HYOU1: variants seen among roughly 807,000 people sequenced by gnomAD.
HYOU1 encodes hypoxia up-regulated protein 1.
Under a neutral mutation model 120.5 loss-of-function variants are expected in HYOU1, and 40 were observed. The ratio of observed to expected loss-of-function variants is 0.33; its 90% CI spans 0.26 to 0.43. The LOEUF is 0.43. Among genes scored for constraint, HYOU1 ranks in the 20% least tolerant of loss-of-function variants. The pLI, the probability that HYOU1 is intolerant of heterozygous loss-of-function variation, is 1.00. For missense variants in HYOU1, 1,085 were observed against 1,278.3 expected (o/e 0.85, Z 2.31); for synonymous variants, 501 against 479.4 (o/e 1.05, Z -0.59).
rs138488971 is a variant in HYOU1, at chr11:119,049,110, A to C, written c.1900T>G (p.Ser634Ala). The C allele has an allele frequency of 6.2e-7, 1 of 1,613,752 alleles. No homozygotes were observed. The highest frequency in any genetic ancestry group is 1.7e-5 in the Admixed American group (1 of 59,970). ...EEAEAPVEDG[S>A]QPPPPEPKGD... ...TTAGGTTCAGGGGGTGGGGGCTGAG[A>C]GCCATCCTCCACTGGGGCCTCAGCT... The change falls in exon 17 of 26, where the codon TCT becomes GCT. Residue 634 changes from serine (S) to alanine (A), a missense_variant. Physicochemically the swap from Ser to Ala is moderately conservative, Grantham distance 99 (BLOSUM62 1). Coordinates refer to ENST00000617285, the MANE Select transcript of HYOU1 (RefSeq NM_006389.5).
intron 8 of HYOU1, 188 bp from the exon 9 acceptor site, chr11:119,053,017 C>T: frequency 1.8e-6 from 1 of 564,766 alleles, no homozygotes; most frequent in South Asian, 2.4e-5. Context: ...CTCGCAGTGA[C>T]CCTTCTTCCA....
In HYOU1 at chr11:119,049,030, C is replaced by T. The variant is rs2133569135; in HGVS notation, c.1980G>A (p.Lys660=). The change falls in exon 17 of 26, where the codon AAG becomes AAA. Residue 660 remains lysine, a synonymous_variant. Transcript: ENST00000617285. The stretch of plus-strand genomic sequence containing the variant: ...TGCCACAGCTCACCTGGGCCTCAGA[C>T]TTGTCCCCATTTTCTTTTTCTGTGG... ...EKATEKENGD[K]SEAQKPSEKA... is the part of the protein sequence containing the mutation. 1.9e-6 allele frequency: 3 copies of T among 1,614,076 alleles called. No homozygotes were observed. The highest frequency in any genetic ancestry group is 1.7e-5 in the Admixed American group (1 of 60,008).
chr11:119,055,687 C>T lies in HYOU1; in HGVS notation c.185+63G>A. On this transcript the variant is annotated intron_variant, in intron 3 of 25. Coordinates refer to ENST00000617285, the MANE Select transcript of HYOU1 (RefSeq NM_006389.5). The surrounding 1 kb of genome is among the most constrained non-coding windows in gnomAD (Gnocchi z 4.0). ...AGTCTGCTGTGGGCACTATGACTAACACATTCACACTTGGAGCCCAGACTC... is the reference window on the plus strand; with the variant it reads ...AGTCTGCTGTGGGCACTATGACTAATACATTCACACTTGGAGCCCAGACTC... 1.3e-6 allele frequency: 2 copies of T among 1,510,638 alleles called. No homozygotes were observed. Among genetic ancestry groups the T allele is most frequent in the Non-Finnish European group, 1.8e-6 (2 of 1,085,588 alleles). The allele number at this position is 1,510,638 out of a possible 1,614,324, so 93.6% of individuals were successfully genotyped here.
intron 6 of HYOU1, 142 bp downstream of exon 6, chr11:119,054,842 G>A (rs1004549643): frequency 9.6e-7 from 1 of 1,042,246 alleles, no homozygotes; most frequent in Non-Finnish European, 1.4e-6. Context: ...TAGATAGCAG[G>A]TGCACCCCTC....
At chr11:119,047,675 C>G in intron 22 of HYOU1, 59 bp downstream of exon 22, 1 of 1,406,498 alleles carries the variant, frequency 7.1e-7, no homozygotes, top group Non-Finnish European at 1.0e-6. Flanking sequence ...CTCTCCACCT[C>G]TCCCACAGTA....
In HYOU1 at chr11:119,056,178, C is replaced by G. The variant is rs1468235859; in HGVS notation, c.-7-11G>C. On this transcript the variant is annotated splice_polypyrimidine_tract_variant and intron_variant, in intron 1 of 25. Transcript: ENST00000617285. The stretch of plus-strand genomic sequence containing the variant: ...TCTGCCATAGTGCCCCTGGGGGAGG[C>G]GAAGAAAGAAAACACTTAAAACTGG... 6.2e-7 allele frequency: 1 copy of G among 1,600,930 alleles called. No homozygotes were observed. Among genetic ancestry groups the G allele is most frequent in the African/African-American group, 1.3e-5 (1 of 74,794 alleles).
intron 1 of HYOU1, 73 bp downstream of exon 1, chr11:119,056,947 C>T (rs1286635436): frequency 6.5e-6 from 1 of 153,594 alleles, no homozygotes; most frequent in Admixed American, 6.5e-5. Context: ...GCGCTCCCGA[C>T]CCGCCCCCGG....
At chr11:119,053,106 G>A in intron 8 of HYOU1, 1 of 398,946 alleles carries the variant, frequency 2.5e-6, no homozygotes, top group Non-Finnish European at 4.5e-6. Flanking sequence ...TGGGGAGAGA[G>A]ACAGGGTCCC....
In HYOU1 at chr11:119,049,103, G is replaced by A. The variant is rs2133569612; in HGVS notation, c.1907C>T (p.Pro636Leu). The A allele has an allele frequency of 6.2e-7, 1 of 1,614,032 alleles. No individual in the cohort carries two copies. The highest frequency in any genetic ancestry group is 8.5e-7 in the Non-Finnish European group (1 of 1,179,994). Reference sequence around the variant, plus strand: ...ATCTCCCTTAGGTTCAGGGGGTGGGGGCTGAGAGCCATCCTCCACTGGGGC... The same window carrying A: ...ATCTCCCTTAGGTTCAGGGGGTGGGAGCTGAGAGCCATCCTCCACTGGGGC... ...AEAPVEDGSQ[P>L]PPPEPKGDAT... is the part of the protein sequence containing the mutation. The change falls in exon 17 of 26, where the codon CCC becomes CTC. Residue 636 changes from proline to leucine, a missense_variant. Transcript: ENST00000617285.
intron 22 of HYOU1, chr11:119,047,201 A>G: frequency 5.2e-6 from 1 of 193,558 alleles, no homozygotes. Context: ...ACTACAGGCG[A>G]CCACGCCCAG....
chr11:119,051,779 G>A lies in HYOU1; in HGVS notation c.1338+40C>T. On this transcript the variant is annotated intron_variant, in intron 12 of 25. Coordinates refer to ENST00000617285, the MANE Select transcript of HYOU1 (RefSeq NM_006389.5). The surrounding 1 kb of genome is among the most constrained non-coding windows in gnomAD (Gnocchi z 4.2). ...GAAGGGGAAACCCTACTTGGGAGAGGTAAAGGGAGCTTGTCACCTGCTCAG... is the reference window on the plus strand; with the variant it reads ...GAAGGGGAAACCCTACTTGGGAGAGATAAAGGGAGCTTGTCACCTGCTCAG... 6.2e-7 allele frequency: 1 copy of A among 1,612,386 alleles called. No homozygotes were observed. The highest frequency in any genetic ancestry group is 2.2e-5 in the East Asian group (1 of 44,816).
chr11:119,056,801 C>T (rs933298754), intron 1 of HYOU1: 4 of 184,300 alleles, frequency 2.2e-5, no homozygotes, highest in Admixed American at 1.6e-4. Flanking sequence ...CACCTAAACC[C>T]CACCTGACGA....
intron 14 of HYOU1, 124 bp downstream of exon 14, chr11:119,050,911 A>C (rs1944402657): frequency 8.8e-7 from 1 of 1,132,188 alleles, no homozygotes; most frequent in Non-Finnish European, 1.3e-6. Flanking sequence ...TTCAGAGCCA[A>C]CATTTTTCTG....
Position 119,045,515 on chromosome 11 carries a change from C to T in HYOU1, c.*78G>A. ...CCAGCCGAGGGCAGGACCAACCCCT[C>T]CCCCAACCCTCGATGTTAAATAAAT... On this transcript the variant is annotated 3_prime_UTR_variant, in exon 26 of 26. Transcript: ENST00000617285. The T allele has an allele frequency of 7.7e-7, 1 of 1,300,880 alleles. No homozygotes were observed. Among genetic ancestry groups the T allele is most frequent in the African/African-American group, 1.4e-5 (1 of 69,098 alleles). 80.6% of individuals were successfully genotyped at this position (1,300,880 alleles called of 1,614,324 possible).
At chr11:119,056,758 T>C (rs942111924) in intron 1 of HYOU1, 7 of 218,922 alleles carry the variant, frequency 3.2e-5, no homozygotes, top group Non-Finnish European at 6.6e-5. Context: ...GCGGTAAGGT[T>C]CCCCGCCCGG....
Position 119,048,451 on chromosome 11 carries a change from G to A in HYOU1, c.2253+25C>T, listed in dbSNP as rs2133564402. 1.9e-6 allele frequency: 3 copies of A among 1,613,286 alleles called. No individual in the cohort carries two copies. Among genetic ancestry groups the A allele is most frequent in the South Asian group, 1.1e-5 (1 of 91,062 alleles). On this transcript the variant is annotated intron_variant, in intron 19 of 25. Coordinates refer to ENST00000617285, the MANE Select transcript of HYOU1 (RefSeq NM_006389.5). The surrounding 1 kb of genome is among the most constrained non-coding windows in gnomAD (Gnocchi z 4.7). ...AGAGCCAGGTGTAAGCCCAGTGGGG[G>A]GGCTGCTGCCTCCTGCCCACTGACC... is the stretch of plus-strand genomic sequence containing the variant.
In HYOU1 at chr11:119,052,735, T is replaced by G; in HGVS notation, c.889A>C (p.Lys297Gln). 1 of 1,614,198 alleles carries G rather than the reference T, an allele frequency of 6.2e-7. No homozygotes were observed. The highest frequency in any genetic ancestry group is 8.5e-7 in the Non-Finnish European group (1 of 1,180,020). ...GCACGCGGGTTCTCCCGCACATCCT[T>G]TGCTCTCTGACCCTTGCGCTGCTCA... ...FNEQRKGQRA[K>Q]DVRENPRAMA... Residue 297 changes from lysine (K) to glutamine (Q), a missense_variant, in exon 9 of 26, where the codon AAG (lysine) becomes CAG (glutamine). Lys to Gln is a moderately conservative substitution (Grantham distance 53, BLOSUM62 1). Coordinates refer to ENST00000617285, the MANE Select transcript of HYOU1 (RefSeq NM_006389.5). The surrounding 1 kb of genome is among the most constrained non-coding windows in gnomAD (Gnocchi z 5.0).
chr11:119,049,538 GCTCCATCCTGAA>G lies in HYOU1; in HGVS notation c.1806+6_1806+17del. The G allele has an allele frequency of 6.2e-7, 1 of 1,613,042 alleles. No individual in the cohort carries two copies. Among genetic ancestry groups the G allele is most frequent in the Non-Finnish European group, 8.5e-7 (1 of 1,179,106 alleles). On this transcript the variant is annotated splice_donor_region_variant and intron_variant, in intron 16 of 25. Transcript: ENST00000617285. The stretch of plus-strand genomic sequence containing the variant: ...CCCCACCGTCCTCCATGCTTCCCTG[GCTCCATCCTGAA>G]CTCACCTGGACAGTATCAGTACCAT...
intron 14 of HYOU1, 151 bp downstream of exon 14, chr11:119,050,884 A>C: frequency 1.3e-6 from 1 of 790,758 alleles, no homozygotes; most frequent in African/African-American, 1.7e-5. Flanking sequence ...TCTGCACCAG[A>C]TCATCAGTTA....
Sources: allele counts gnomAD v4.1 joint callset, GRCh38; gene constraint gnomAD v4.1.1; non-coding constraint Gnocchi (gnomAD v3.1); transcripts MANE v1.5; gene names NCBI Gene and HGNC (gene_info 2026-07-23, HGNC 2026-07-21).